The following USP32 variants were observed in gnomAD, a reference collection of about 807,000 sequenced individuals.
The protein encoded by USP32 is ubiquitin specific peptidase 32, also known as ubiquitin carboxyl-terminal hydrolase 32.
A neutral mutation model predicts 204.8 loss-of-function variants in USP32; 59 were observed. The observed-to-expected ratio is 0.29, with a 90% CI of 0.23 to 0.36. The LOEUF is 0.36. Ranked by LOEUF, USP32 falls within the 10% of genes least tolerant of loss-of-function variation. The pLI, the probability that USP32 is intolerant of heterozygous loss-of-function variation, is 1.00. For missense variants in USP32, 1,160 were observed against 1,946.4 expected (o/e 0.60, Z 7.60); for synonymous variants, 517 against 678.4 (o/e 0.76, Z 3.70).
At chr17:60,202,878 G>T (rs896734059) in intron 26 of USP32, among the ~76,000 whole-genome samples, 4 of 144,258 alleles carry the variant, frequency 2.8e-5, no homozygotes, top group Non-Finnish European at 5.9e-5. Flanking sequence ...GATCATCCTG[G>T]ATTGTCTGGG....
intron 2 of USP32, among the ~76,000 whole-genome samples, chr17:60,327,834 G>GT (rs1163094953): frequency 1.3e-5 from 2 of 152,224 alleles, no homozygotes; most frequent in East Asian, 3.9e-4. Flanking sequence ...GCCAAGCCAG[G>GT]TAACTGTCAC....
chr17:60,390,024 A>C (rs1014864488), intron 1 of USP32, among the ~76,000 whole-genome samples: 5 of 152,226 alleles, frequency 3.3e-5, no homozygotes, highest in Admixed American at 6.5e-5. Context: ...TCAAAAAAAA[A>C]ACATAAATTC....
chr17:60,371,614 T>G (rs1365873152), intron 1 of USP32, among the ~76,000 whole-genome samples: 1 of 149,870 alleles, frequency 6.7e-6, no homozygotes, highest in Non-Finnish European at 1.5e-5. Context: ...ATGGCCAACA[T>G]GCACATATAA....
chr17:60,384,256 A>T (rs1237614735), intron 1 of USP32, among the ~76,000 whole-genome samples: 1 of 152,224 alleles, frequency 6.6e-6, no homozygotes, highest in Non-Finnish European at 1.5e-5. Flanking sequence ...AGACCCTTTC[A>T]CGAGTCATCA....
intron 1 of USP32, among the ~76,000 whole-genome samples, chr17:60,417,485 C>T (rs1374903408): frequency 2.0e-5 from 3 of 149,430 alleles, no homozygotes; most frequent in Non-Finnish European, 4.4e-5. Flanking sequence ...CAGAGTCTCG[C>T]TCTTGTCGCC....
rs553619750 is a variant in USP32, at chr17:60,381,991, G to A, written c.58+9891C>T. Among the ~76,000 whole-genome samples, 7 of 152,234 alleles carry A rather than the reference G, an allele frequency of 4.6e-5. No individual in the cohort carries two copies. In the East Asian group the frequency reaches 1.2e-3, roughly 25 times the overall value. The stretch of plus-strand genomic sequence containing the variant: ...ATATTTACTTTTTTTGTGTGTATGT[G>A]TGCATGGTGAACTCATTTTTAAGAC... On this transcript the variant is annotated intron_variant, in intron 1 of 33. Coordinates refer to ENST00000300896, the MANE Select transcript of USP32 (RefSeq NM_032582.4).
chr17:60,400,348 CAG>C (rs2089926490), intron 1 of USP32, among the ~76,000 whole-genome samples: 1 of 152,158 alleles, frequency 6.6e-6, no homozygotes, highest in South Asian at 2.1e-4. Context: ...AGGGCAAACA[CAG>C]GGAGACCAAT....
intron 1 of USP32, among the ~76,000 whole-genome samples, chr17:60,375,035 A>C (rs1289978133): frequency 6.6e-6 from 1 of 152,234 alleles, no homozygotes; most frequent in Non-Finnish European, 1.5e-5. Context: ...TGGTGATGAG[A>C]TCATTAGTGA....
At chr17:60,357,740 G>A (rs2089117227) in intron 1 of USP32, among the ~76,000 whole-genome samples, 1 of 151,754 alleles carries the variant, frequency 6.6e-6, no homozygotes, top group Admixed American at 6.6e-5. Context: ...GCAGTGAAGA[G>A]TATTCATATT....
chr17:60,188,983 T>C (rs2084314002), intron 29 of USP32, among the ~76,000 whole-genome samples: 1 of 152,252 alleles, frequency 6.6e-6, no homozygotes, highest in Admixed American at 6.5e-5. Flanking sequence ...GGCCGTTTCC[T>C]ATAAGCAGGA....
chr17:60,391,254 T>A (rs58994069), intron 1 of USP32, among the ~76,000 whole-genome samples: 139 of 152,338 alleles, frequency 9.1e-4, no homozygotes, highest in African/African-American at 3.2e-3. Flanking sequence ...CAACGCCAGC[T>A]GTCCAGTCTC....
At chr17:60,216,960 AT>A (rs199585017) in intron 16 of USP32, among the ~76,000 whole-genome samples, 5,731 of 151,746 alleles carry the variant, frequency 0.038, 262 homozygotes, top group African/African-American at 0.13. Flanking sequence ...TTAATGATTG[AT>A]TTCACAACTA....
Position 60,371,379 on chromosome 17 carries a change from C to T in USP32, c.58+20503G>A, listed in dbSNP as rs868348709. On this transcript the variant is annotated intron_variant, in intron 1 of 33. Transcript: ENST00000300896. ...GTCAGGATTTCAAGACCAGCCTGGC[C>T]AATGTGGTGAAACCCCGTCTCTACT... 1.3e-4 allele frequency among the ~76,000 whole-genome samples: 19 copies of T among 151,790 alleles called. 1 individual carries two copies. The Middle Eastern group carries it at 0.017, about 136-fold the overall frequency.
chr17:60,223,686 T>C (rs2085313857), intron 13 of USP32, 100 bp from the exon 14 acceptor site: 3 of 1,021,910 alleles, frequency 2.9e-6, no homozygotes, highest in South Asian at 1.7e-5. Context: ...ATTACTCTGT[T>C]GACATGTCAG....
At chr17:60,265,591 T>A in intron 8 of USP32, 117 bp from the exon 9 acceptor site, 1 of 679,470 alleles carries the variant, frequency 1.5e-6, no homozygotes, top group South Asian at 1.9e-5. Context: ...AGAGATGGGG[T>A]CTCCTTACGT....
chr17:60,333,880 T>C (rs1472116948), intron 2 of USP32, among the ~76,000 whole-genome samples: 4 of 152,214 alleles, frequency 2.6e-5, no homozygotes, highest in Non-Finnish European at 5.9e-5. Context: ...CAATCTACTT[T>C]ACGTATCAAA....
intron 1 of USP32, among the ~76,000 whole-genome samples, chr17:60,390,858 T>TC (rs1324716860): frequency 1.3e-5 from 2 of 152,132 alleles, no homozygotes; most frequent in Non-Finnish European, 2.9e-5. Context: ...ACCAAGAATA[T>TC]CCATTAAATG....
At chr17:60,285,776 A>G (rs1447667045) in intron 5 of USP32, among the ~76,000 whole-genome samples, 1 of 152,176 alleles carries the variant, frequency 6.6e-6, no homozygotes, top group Admixed American at 6.5e-5. Context: ...TTAAGTCTTC[A>G]TGGATGATTA....
intron 1 of USP32, 131 bp from the exon 2 acceptor site, chr17:60,345,739 T>C: frequency 8.4e-7 from 1 of 1,193,686 alleles, no homozygotes; most frequent in South Asian, 1.3e-5. Context: ...CCCAGTACTT[T>C]GGAAGGCCAA....
Sources: gnomAD v4.1 joint callset for allele counts (sites outside exome capture counted in the v4.1 genomes callset) on GRCh38, gnomAD v4.1.1 for gene constraint, MANE v1.5 for transcripts, NCBI Gene and HGNC (gene_info 2026-07-23, HGNC 2026-07-21) for gene names.